The following TBXAS1 variants were observed in gnomAD, a reference collection of about 807,000 sequenced individuals.
TBXAS1 encodes the protein thromboxane A synthase 1, also known as thromboxane-A synthase.
Under a neutral mutation model 60.7 loss-of-function variants are expected in TBXAS1, and 48 were observed. The observed-to-expected ratio is 0.79, with a 90% CI of 0.63 to 1.01. TBXAS1 has a LOEUF of 1.01. TBXAS1 is among the 50% of genes least tolerant of loss of function. TBXAS1 has a pLI of 0.00. For missense variants in TBXAS1, 685 were observed against 686.3 expected, an observed-to-expected ratio of 1.00 and a Z score of 0.02; for synonymous variants, 287 against 269.7, an observed-to-expected ratio of 1.06 and a Z score of -0.63.
chr7:139,939,504 G>T (rs956889969), intron 5 of TBXAS1, among the ~76,000 whole-genome samples: 6 of 151,420 alleles, frequency 4.0e-5, no homozygotes, highest in African/African-American at 1.5e-4. Context: ...GTTCAATTTA[G>T]GTTCTTGGGT....
intron 9 of TBXAS1, among the ~76,000 whole-genome samples, chr7:139,968,531 G>C (rs1810958314): frequency 6.6e-6 from 1 of 152,168 alleles, no homozygotes; most frequent in South Asian, 2.1e-4. Flanking sequence ...CTGGCCTCAA[G>C]TGATCCGCCT....
chr7:140,012,562 G>A (rs888279286), intron 10 of TBXAS1, among the ~76,000 whole-genome samples: 2 of 151,708 alleles, frequency 1.3e-5, no homozygotes, highest in East Asian at 1.9e-4. Flanking sequence ...GGGTTCAAGC[G>A]ATTCTCGTGC....
At chr7:139,848,540 G>A (rs1176874629) in intron 1 of TBXAS1, among the ~76,000 whole-genome samples, 1 of 152,178 alleles carries the variant, frequency 6.6e-6, no homozygotes, top group Non-Finnish European at 1.5e-5. Context: ...TATGTTCACT[G>A]GAGTAGCTCT....
upstream of TBXAS1, among the ~76,000 whole-genome samples, chr7:139,824,829 CTT>C (rs1192880390): frequency 2.6e-5 from 1 of 38,858 alleles, no homozygotes; most frequent in African/African-American, 9.5e-5. Context: ...TTTTCCTTTT[CTT>C]TTTTTTTTTT....
chr7:140,007,634 T>G (rs1229496914), intron 10 of TBXAS1, among the ~76,000 whole-genome samples: 1 of 152,104 alleles, frequency 6.6e-6, no homozygotes, highest in East Asian at 1.9e-4. Flanking sequence ...GGGGACTGTC[T>G]GAGTCCTGGG....
At chr7:139,933,850 CCCACACCCCGCAA>C (rs879567846) in intron 4 of TBXAS1, among the ~76,000 whole-genome samples, 7,047 of 152,086 alleles carry the variant, frequency 0.046, 310 homozygotes, top group African/African-American at 0.11. Flanking sequence ...CGCCTGTCTC[CCCACACCCCGCAA>C]CCTGCAGGCT....
chr7:140,003,453 C>T (rs559708375), intron 9 of TBXAS1, among the ~76,000 whole-genome samples: 36 of 152,294 alleles, frequency 2.4e-4, no homozygotes, highest in Non-Finnish European at 4.7e-4. Flanking sequence ...GATCCACCCA[C>T]CTCGGCCTCC....
At chr7:139,813,452 G>A (rs181727602) in intron 4 of TBXAS1, among the ~76,000 whole-genome samples, 82 of 152,344 alleles carry the variant, frequency 5.4e-4, no homozygotes, top group Admixed American at 1.6e-3. Flanking sequence ...CCGCTTGACT[G>A]AGGACGACTT....
chr7:139,934,704 A>G (rs1217518243), intron 4 of TBXAS1, among the ~76,000 whole-genome samples: 1 of 152,086 alleles, frequency 6.6e-6, no homozygotes, highest in Non-Finnish European at 1.5e-5. Flanking sequence ...TCTTCTCCCT[A>G]TATCCTCACA....
chr7:139,953,348 C>A lies in TBXAS1; in HGVS notation c.451-20C>A, dbSNP rs765596734. On this transcript the variant is annotated intron_variant, in intron 5 of 12. Coordinates refer to ENST00000448866, the MANE Select transcript of TBXAS1 (RefSeq NM_001061.7). ...CTCCCGGCATGGTGCCCTAATTACACCTTTGTTATCCATTATCAGATGGTT... is the reference window on the plus strand; with the variant it reads ...CTCCCGGCATGGTGCCCTAATTACAACTTTGTTATCCATTATCAGATGGTT... 1.2e-6 allele frequency: 2 copies of A among 1,605,738 alleles called. No homozygotes were observed. The highest frequency in any genetic ancestry group is 1.7e-6 in the Non-Finnish European group (2 of 1,172,396).
chr7:139,900,929 A>G (rs1168968570), intron 3 of TBXAS1, among the ~76,000 whole-genome samples: 2 of 152,208 alleles, frequency 1.3e-5, no homozygotes, highest in Admixed American at 6.5e-5. Flanking sequence ...GTTGCCAAGG[A>G]GATGAGATAC....
intron 3 of TBXAS1, among the ~76,000 whole-genome samples, chr7:139,892,769 T>A (rs574881231): frequency 6.6e-6 from 1 of 152,306 alleles, no homozygotes; most frequent in African/African-American, 2.4e-5. Context: ...GGTGTTCTTG[T>A]AGCCAGCCTG....
intron 9 of TBXAS1, among the ~76,000 whole-genome samples, chr7:139,968,692 C>A (rs1415856300): frequency 6.6e-6 from 1 of 152,226 alleles, no homozygotes; most frequent in East Asian, 1.9e-4. Flanking sequence ...TCTGGCCTCT[C>A]CTCCTCTTGT....
chr7:139,974,477 C>T (rs962345999), intron 9 of TBXAS1, among the ~76,000 whole-genome samples: 6 of 152,094 alleles, frequency 3.9e-5, no homozygotes, highest in Admixed American at 2.0e-4. Flanking sequence ...CAGGGAACCC[C>T]GAGACCTGGG....
At chr7:139,886,386 ATT>A (rs8192818) in intron 3 of TBXAS1, among the ~76,000 whole-genome samples, 1,287 of 99,644 alleles carry the variant, frequency 0.013, 7 homozygotes, top group African/African-American at 0.027. Flanking sequence ...TTGCAGATGA[ATT>A]TTTTTTTTTT....
At chr7:140,005,638 A>G (rs1814018701) in intron 9 of TBXAS1, among the ~76,000 whole-genome samples, 1 of 152,158 alleles carries the variant, frequency 6.6e-6, no homozygotes, top group Admixed American at 6.5e-5. Context: ...GAGCTTTGGG[A>G]AAACCATCCA....
intron 3 of TBXAS1, among the ~76,000 whole-genome samples, chr7:139,910,290 C>T (rs1386044458): frequency 6.6e-6 from 1 of 152,168 alleles, no homozygotes; most frequent in Non-Finnish European, 1.5e-5. Context: ...GTTCACGCCA[C>T]CAGCTGACTG....
upstream of TBXAS1, among the ~76,000 whole-genome samples, chr7:139,824,874 G>A (rs1204796732): frequency 7.1e-6 from 1 of 140,150 alleles, no homozygotes; most frequent in Admixed American, 7.6e-5. Context: ...GTATCATCCA[G>A]GCTGAAGTGC....
At chr7:140,008,813 T>C (rs970678368) in intron 10 of TBXAS1, among the ~76,000 whole-genome samples, 3 of 152,178 alleles carry the variant, frequency 2.0e-5, no homozygotes, top group Non-Finnish European at 2.9e-5. Flanking sequence ...GGTGTACATG[T>C]TAAAATGAAG....
Sources: allele counts gnomAD v4.1 joint callset (sites outside exome capture counted in the v4.1 genomes callset), GRCh38; gene constraint gnomAD v4.1.1; transcripts MANE v1.5; gene names NCBI Gene and HGNC (gene_info 2026-07-23, HGNC 2026-07-21).